The following PARL variants were observed in gnomAD, a reference collection of about 807,000 sequenced individuals.
PARL encodes the protein presenilin-associated rhomboid-like protein, mitochondrial.
In PARL, 44 loss-of-function variants were observed where a neutral mutation model predicts 51.6. That is an observed-to-expected ratio of 0.85 (90% CI 0.67 to 1.10). PARL has a LOEUF of 1.10. PARL is among the 50% of genes least tolerant of loss of function. The probability of loss-of-function intolerance (pLI) is 0.00; values close to 1 mark genes in which losing one functional copy is unlikely to be tolerated. For missense variants in PARL, 441 were observed against 469.5 expected, an observed-to-expected ratio of 0.94 and a Z score of 0.56; for synonymous variants, 172 against 164.0, an observed-to-expected ratio of 1.05 and a Z score of -0.37.
chr3:183,849,162 C>T (rs564708912), intron 4 of PARL, among the ~76,000 whole-genome samples: 67 of 152,228 alleles, frequency 4.4e-4, no homozygotes, highest in Middle Eastern at 3.4e-3. Flanking sequence ...CAAAAGACTT[C>T]AGCAGCTCTA....
At chr3:183,849,985 G>A (rs1382538915) in intron 4 of PARL, among the ~76,000 whole-genome samples, 4 of 151,994 alleles carry the variant, frequency 2.6e-5, no homozygotes, top group African/African-American at 4.8e-5. Context: ...AAATTGACTC[G>A]AAGAAATAGA....
chr3:183,871,138 T>C (rs768874501), intron 1 of PARL, among the ~76,000 whole-genome samples: 46 of 152,204 alleles, frequency 3.0e-4, no homozygotes, highest in Non-Finnish European at 5.3e-4. Context: ...ATGATTAAGC[T>C]TTATTGTGAG....
chr3:183,878,605 G>T lies in PARL; in HGVS notation c.125+6117C>A, dbSNP rs575981152. Among the ~76,000 whole-genome samples, 4 of 152,288 alleles carry T rather than the reference G, an allele frequency of 2.6e-5. No homozygotes were observed. The East Asian group carries it at 7.7e-4, about 29-fold the overall frequency. ...GAGTGGACCCAAGGCCTTAGTAGTT[G>T]TAAGACCTCCCCAGGTGATTCTCAT... On this transcript the variant is annotated intron_variant, in intron 1 of 9. Coordinates refer to ENST00000317096, the MANE Select transcript of PARL (RefSeq NM_018622.7).
chr3:183,862,830 C>T (rs1731996317), intron 3 of PARL, 29 bp from the exon 4 acceptor site: 2 of 1,587,394 alleles, frequency 1.3e-6, no homozygotes, highest in African/African-American at 1.3e-5. Flanking sequence ...TGCATCACCA[C>T]ATGTGAGAAA....
chr3:183,828,544 A>G (rs1030849973), downstream of PARL, among the ~76,000 whole-genome samples: 3 of 152,240 alleles, frequency 2.0e-5, no homozygotes. Flanking sequence ...AAACAAGTCC[A>G]GCCTGATGGA....
At chr3:183,845,562 T>C (rs557223647) in intron 4 of PARL, among the ~76,000 whole-genome samples, 8 of 152,280 alleles carry the variant, frequency 5.3e-5, no homozygotes, top group African/African-American at 1.9e-4. Context: ...CTTTGGTAAA[T>C]AATTACCCAG....
chr3:183,876,298 T>C (rs1475092299), intron 1 of PARL, among the ~76,000 whole-genome samples: 1 of 152,174 alleles, frequency 6.6e-6, no homozygotes, highest in Non-Finnish European at 1.5e-5. Flanking sequence ...CCGCCCGTGT[T>C]GGCCTCCCAC....
At chr3:183,834,096 G>C (rs563640216) in intron 7 of PARL, among the ~76,000 whole-genome samples, 4 of 152,176 alleles carry the variant, frequency 2.6e-5, no homozygotes, top group Non-Finnish European at 4.4e-5. Flanking sequence ...AGTGCTAAGC[G>C]TGTCATGCGC....
At position 183,858,683 on chromosome 3, in the gene PARL, G is replaced by T. The variant is rs574511947; in HGVS notation, c.511+4070C>A. ...AGGGAGGAGAAAATATTCTCTCTGG[G>T]GGTTGCCTGGGGACCTCTAGGAGAG... On this transcript the variant is annotated intron_variant, in intron 4 of 9. Coordinates refer to ENST00000317096, the MANE Select transcript of PARL (RefSeq NM_018622.7). 2.6e-5 allele frequency among the ~76,000 whole-genome samples: 4 copies of T among 152,202 alleles called. No homozygotes were observed. In the South Asian group the frequency reaches 8.3e-4, roughly 32 times the overall value.
At chr3:183,827,191 C>A (rs915553653), downstream of PARL, among the ~76,000 whole-genome samples, 3 of 152,062 alleles carry the variant, frequency 2.0e-5, no homozygotes, top group Non-Finnish European at 4.4e-5. Flanking sequence ...ATGGCTCATG[C>A]GTGGAATCCC....
intron 1 of PARL, among the ~76,000 whole-genome samples, chr3:183,881,633 C>G (rs1225642738): frequency 1.3e-5 from 2 of 152,198 alleles, no homozygotes; most frequent in African/African-American, 4.8e-5. Flanking sequence ...TAGTGTGTAC[C>G]TGTAGTCCTT....
At chr3:183,837,686 C>G (rs116776891) in intron 7 of PARL, among the ~76,000 whole-genome samples, 1 of 152,344 alleles carries the variant, frequency 6.6e-6, no homozygotes, top group Non-Finnish European at 1.5e-5. Flanking sequence ...CTCATCAGAA[C>G]AGTGTCAGAG....
downstream of PARL, chr3:183,829,245 G>A: frequency 2.5e-6 from 1 of 395,456 alleles, no homozygotes; most frequent in South Asian, 2.6e-5. Flanking sequence ...CAGAGGCACT[G>A]GAGGGTCCAA....
chr3:183,864,176 C>A (rs564884002), intron 3 of PARL, among the ~76,000 whole-genome samples: 5 of 152,180 alleles, frequency 3.3e-5, no homozygotes, highest in African/African-American at 4.8e-5. Flanking sequence ...GCCTCTCTAA[C>A]ACAGATAGGG....
chr3:183,862,499 C>T (rs1416095881), intron 4 of PARL: 1 of 459,704 alleles, frequency 2.2e-6, no homozygotes, highest in African/African-American at 1.9e-5. Flanking sequence ...AGCTATTCCA[C>T]AAGCTGGAAT....
Position 183,833,539 on chromosome 3 carries a change from C to T in PARL, c.981G>A (p.Trp327Ter). The change falls in exon 9 of 10, where the codon TGG becomes TGA. Residue 327 changes from tryptophan to a stop codon, truncating the protein, a stop_gained. Coordinates refer to ENST00000317096, the MANE Select transcript of PARL (RefSeq NM_018622.7). LOFTEE classifies it high-confidence loss of function. ...AMDTAGMILG[W>*]KFFDHAAHLG... is the part of the protein sequence containing the mutation. ...GATGTGCCGCATGATCAAAAAATTT[C>T]CATCCCAGGATCATTCCTGCTGTAT... 2.5e-6 allele frequency: 4 copies of T among 1,614,034 alleles called. No homozygotes were observed. Among genetic ancestry groups the T allele is most frequent in the Non-Finnish European group, 3.4e-6 (4 of 1,179,884 alleles).
intron 4 of PARL, among the ~76,000 whole-genome samples, chr3:183,849,336 C>T (rs191187993): frequency 6.6e-6 from 1 of 152,280 alleles, no homozygotes; most frequent in Admixed American, 6.5e-5. Flanking sequence ...AAACTATGTC[C>T]TCTGATCACT....
intron 4 of PARL, among the ~76,000 whole-genome samples, chr3:183,845,299 C>T (rs1370922146): frequency 1.3e-5 from 2 of 152,174 alleles, no homozygotes; most frequent in Non-Finnish European, 2.9e-5. Context: ...AGGTTCTCAG[C>T]TAGCCCCTGG....
rs1731987389 is a variant in PARL at position 183,862,777 on chromosome 3, T to C, written c.487A>G (p.Ser163Gly). ...CCTGTCACAGTCCGCTGGCCATCAC[T>C]TAGGTTATTCCACCACTTGTTAATC... ...KEINKWWNNL[S>G]DGQRTVTGII... is the part of the protein sequence containing the mutation. Residue 163 changes from serine to glycine, a missense_variant, in exon 4 of 10, where the codon AGT becomes GGT. By Grantham distance (56) the Ser-to-Gly change is moderately conservative. Coordinates refer to ENST00000317096, the MANE Select transcript of PARL (RefSeq NM_018622.7). The C allele has an allele frequency of 6.2e-7, 1 of 1,613,538 alleles. No individual in the cohort carries two copies.
Sources: gnomAD v4.1 joint callset for allele counts (sites outside exome capture counted in the v4.1 genomes callset) on GRCh38, gnomAD v4.1.1 for gene constraint, MANE v1.5 for transcripts, NCBI Gene and HGNC (gene_info 2026-07-23, HGNC 2026-07-21) for gene names.